PXDNL: variants seen among roughly 807,000 people sequenced by gnomAD.
PXDNL encodes the protein probable oxidoreductase PXDNL.
Under a neutral mutation model 150.8 loss-of-function variants are expected in PXDNL, and 145 were observed. That is an observed-to-expected ratio of 0.96 (90% confidence interval 0.84 to 1.10). The LOEUF (loss-of-function observed/expected upper bound fraction) is 1.10. PXDNL is among the 50% of genes least tolerant of loss of function. PXDNL has a pLI of 0.00. For missense variants in PXDNL, 2,087 were observed against 1,873.9 expected (o/e 1.11, Z -2.10); for synonymous variants, 757 against 725.7 (o/e 1.04, Z -0.69).
intron 19 of PXDNL, among the ~76,000 whole-genome samples, chr8:51,358,060 A>G (rs1806574415): frequency 6.6e-6 from 1 of 152,226 alleles, no homozygotes; most frequent in Non-Finnish European, 1.5e-5. Context: ...CACAGGATAA[A>G]CATGATGTCA....
At chr8:51,581,425 G>T (rs1813210611) in intron 3 of PXDNL, among the ~76,000 whole-genome samples, 1 of 151,944 alleles carries the variant, frequency 6.6e-6, no homozygotes, top group Non-Finnish European at 1.5e-5. Flanking sequence ...GGAGGCGGAG[G>T]TTGCAGTGCA....
intron 2 of PXDNL, among the ~76,000 whole-genome samples, chr8:51,598,923 T>A (rs1813632470): frequency 6.6e-6 from 1 of 152,168 alleles, no homozygotes. Flanking sequence ...AAGTTGATAT[T>A]GGCCCATCCA....
chr8:51,604,423 C>G (rs1813797758), intron 2 of PXDNL, among the ~76,000 whole-genome samples: 1 of 152,094 alleles, frequency 6.6e-6, no homozygotes, highest in Non-Finnish European at 1.5e-5. Context: ...ACTGCATGTT[C>G]TCACTCATAG....
chr8:51,583,117 A>T lies in PXDNL; in HGVS notation c.308+9510T>A, dbSNP rs148027584. ...AGTGAATTGAAAAGTACTAAGAACA[A>T]GGTGCCAAAATATTTTTTAGGTGAT... On this transcript the variant is annotated intron_variant, in intron 3 of 22. Coordinates refer to ENST00000356297, the MANE Select transcript of PXDNL (RefSeq NM_144651.5). Among the ~76,000 whole-genome samples the T allele has an allele frequency of 1.6e-3, 241 of 152,314 alleles. 1 individual carries two copies. Among genetic ancestry groups the T allele is most frequent in the Middle Eastern group, 6.8e-3 (2 of 294 alleles).
At chr8:51,473,310 C>CACACACACACACAA (rs1238216161) in intron 7 of PXDNL, among the ~76,000 whole-genome samples, 1 of 151,192 alleles carries the variant, frequency 6.6e-6, no homozygotes, top group Admixed American at 6.6e-5. Flanking sequence ...CACACACACA[C>CACACACACACACAA]AAATACATAT....
At chr8:51,677,375 C>T (rs1023849923) in intron 1 of PXDNL, among the ~76,000 whole-genome samples, 3 of 152,162 alleles carry the variant, frequency 2.0e-5, no homozygotes, top group Non-Finnish European at 1.5e-5. Flanking sequence ...TCGTCTACTC[C>T]GTTCAGGAGA....
chr8:51,481,654 C>T (rs940440793), intron 6 of PXDNL, among the ~76,000 whole-genome samples: 2 of 152,198 alleles, frequency 1.3e-5, no homozygotes, highest in Non-Finnish European at 2.9e-5. Context: ...CCCCCCTGAT[C>T]TATGCAGTTT....
chr8:51,732,707 A>C (rs191088669), intron 1 of PXDNL, among the ~76,000 whole-genome samples: 1 of 152,354 alleles, frequency 6.6e-6, no homozygotes, highest in Non-Finnish European at 1.5e-5. Context: ...TTATGGCAGA[A>C]GGCAAAGGAG....
At chr8:51,741,429 C>T (rs1044531031) in intron 1 of PXDNL, among the ~76,000 whole-genome samples, 1 of 9,240 alleles carries the variant, frequency 1.1e-4, no homozygotes, top group South Asian at 0.042. Context: ...TATGTAATGT[C>T]CTTCTTTGTC....
At chr8:51,478,168 C>G (rs1321879041) in intron 6 of PXDNL, among the ~76,000 whole-genome samples, 1 of 152,020 alleles carries the variant, frequency 6.6e-6, no homozygotes, top group Non-Finnish European at 1.5e-5. Context: ...GCAATAGAGT[C>G]AATCAATAAG....
intron 3 of PXDNL, among the ~76,000 whole-genome samples, chr8:51,566,616 A>G (rs567559092): frequency 3.7e-4 from 56 of 151,594 alleles, no homozygotes; most frequent in African/African-American, 1.4e-3. Context: ...TTTAACATCT[A>G]TGGTTCACTA....
chr8:51,560,950 AC>A (rs1478961037), intron 3 of PXDNL, among the ~76,000 whole-genome samples: 10 of 148,400 alleles, frequency 6.7e-5, no homozygotes. Context: ...AAAAAAAAAA[AC>A]CATTTAAAAA....
At chr8:51,584,983 G>C (rs1056969324) in intron 3 of PXDNL, among the ~76,000 whole-genome samples, 3 of 152,072 alleles carry the variant, frequency 2.0e-5, no homozygotes, top group African/African-American at 7.2e-5. Flanking sequence ...TAGATTGGAG[G>C]GGAATAGAGC....
intron 1 of PXDNL, among the ~76,000 whole-genome samples, chr8:51,724,762 C>T (rs144162370): frequency 1.2e-4 from 18 of 152,278 alleles, no homozygotes; most frequent in African/African-American, 4.3e-4. Flanking sequence ...GCTCTCAGCT[C>T]CCTGTCCATG....
intron 4 of PXDNL, among the ~76,000 whole-genome samples, chr8:51,514,496 CAT>C (rs538012081): frequency 8.6e-4 from 131 of 152,298 alleles, no homozygotes; most frequent in Non-Finnish European, 5.9e-4. Flanking sequence ...TGAAAATTCA[CAT>C]GTTTTGATAA....
rs921956956 is a variant in PXDNL at position 51,578,154 on chromosome 8, AAGAG to A, written c.308+14469_308+14472del. On this transcript the variant is annotated intron_variant, in intron 3 of 22. Coordinates refer to ENST00000356297, the MANE Select transcript of PXDNL (RefSeq NM_144651.5). ...AGAAAGAGTGAGAGAGAGAGAAAGA[AAGAG>A]AAAGAAAGAAGGAAAGAAAGAAAAT... Among the ~76,000 whole-genome samples the A allele has an allele frequency of 1.3e-4, 11 of 84,858 alleles. 2 individuals carry two copies. The highest frequency in any genetic ancestry group is 7.9e-4 in the African/African-American group (9 of 11,336). 55.7% of individuals were successfully genotyped at this position (84,858 alleles called of 152,430 possible). A position where few individuals can be genotyped will look rare whatever the true frequency, so the allele number is the denominator to read the frequency against.
chr8:51,627,042 A>G (rs1814376809), intron 2 of PXDNL, among the ~76,000 whole-genome samples: 1 of 152,224 alleles, frequency 6.6e-6, no homozygotes, highest in Non-Finnish European at 1.5e-5. Context: ...TTTTTTTAAC[A>G]TCAACAAAGC....
chr8:51,705,848 C>T lies in PXDNL; in HGVS notation c.165-51088G>A, dbSNP rs1017037377. Among the ~76,000 whole-genome samples the T allele has an allele frequency of 2.0e-3, 257 of 125,916 alleles. 2 individuals carry two copies. Among genetic ancestry groups the T allele is most frequent in the African/African-American group, 6.9e-3 (244 of 35,426 alleles). The allele number at this position is 125,916 out of a possible 152,430, so 82.6% of individuals were successfully genotyped here. A position where few individuals can be genotyped will look rare whatever the true frequency, so the allele number is the denominator to read the frequency against. The stretch of plus-strand genomic sequence containing the variant: ...GTGTGTGTGTGCGCGCGCGCGCGCG[C>T]GCGCGTGCATGCACATGTGTGCAGA... On this transcript the variant is annotated intron_variant, in intron 1 of 22. Coordinates refer to ENST00000356297, the MANE Select transcript of PXDNL (RefSeq NM_144651.5).
At chr8:51,325,639 C>T (rs1481511512) in intron 21 of PXDNL, among the ~76,000 whole-genome samples, 2 of 152,204 alleles carry the variant, frequency 1.3e-5, no homozygotes, top group Non-Finnish European at 1.5e-5. Context: ...GCCTTCTCTG[C>T]AACCACCCCA....
Sources: gnomAD v4.1 joint callset for allele counts (sites outside exome capture counted in the v4.1 genomes callset) on GRCh38, gnomAD v4.1.1 for gene constraint, MANE v1.5 for transcripts, NCBI Gene and HGNC (gene_info 2026-07-23, HGNC 2026-07-21) for gene names.